Variants in CDH4 observed in about 807,000 individuals in gnomAD.
CDH4 encodes the protein cadherin-4.
Under a neutral mutation model 86.0 loss-of-function variants are expected in CDH4, and 33 were observed. The observed-to-expected ratio is 0.38, with a 90% CI of 0.29 to 0.51. CDH4 has a LOEUF of 0.51. CDH4 is among the 20% of genes least tolerant of loss of function. The probability of loss-of-function intolerance (pLI) is 0.86; values close to 1 mark genes in which losing one functional copy is unlikely to be tolerated. For synonymous variants in CDH4, 555 were observed against 549.4 expected (o/e 1.01, Z -0.14); for missense variants, 1,114 against 1,307.4 (o/e 0.85, Z 2.28).
At chr20:61,376,705 C>T (rs534972868) in intron 2 of CDH4, among the ~76,000 whole-genome samples, 34 of 152,296 alleles carry the variant, frequency 2.2e-4, no homozygotes, top group African/African-American at 7.9e-4. Context: ...GTGGCTGCTC[C>T]CGTTTTTCCC....
intron 2 of CDH4, among the ~76,000 whole-genome samples, chr20:61,295,616 G>A (rs1443122178): frequency 6.6e-6 from 1 of 152,166 alleles, no homozygotes; most frequent in Non-Finnish European, 1.5e-5. Flanking sequence ...GCGTCATCCT[G>A]CGGTTCATAT....
chr20:61,685,437 A>G (rs2087563256), intron 2 of CDH4, among the ~76,000 whole-genome samples: 1 of 152,174 alleles, frequency 6.6e-6, no homozygotes, highest in Non-Finnish European at 1.5e-5. Context: ...TTCTTGCTGT[A>G]CCTGCCTCAT....
intron 2 of CDH4, among the ~76,000 whole-genome samples, chr20:61,659,954 G>C (rs1027655458): frequency 5.9e-5 from 9 of 152,118 alleles, no homozygotes; most frequent in Non-Finnish European, 1.2e-4. Flanking sequence ...GCCTGTCTCT[G>C]TTCCTGAGTT....
chr20:61,760,498 A>G (rs1385409258), intron 3 of CDH4, among the ~76,000 whole-genome samples: 1 of 152,208 alleles, frequency 6.6e-6, no homozygotes, highest in Non-Finnish European at 1.5e-5. Flanking sequence ...CTGAGTTCCA[A>G]CTGGCCTCCA....
chr20:61,306,201 T>A (rs561417249), intron 2 of CDH4, among the ~76,000 whole-genome samples: 1 of 152,350 alleles, frequency 6.6e-6, no homozygotes, highest in East Asian at 1.9e-4. Context: ...ATTAGATAGA[T>A]GATTGTGAAT....
At chr20:61,683,442 C>G (rs1295888448) in intron 2 of CDH4, among the ~76,000 whole-genome samples, 1 of 152,174 alleles carries the variant, frequency 6.6e-6, no homozygotes, top group Non-Finnish European at 1.5e-5. Context: ...CACGGTGTAT[C>G]TGGTGTCCCC....
chr20:61,487,250 G>A (rs902800994), intron 2 of CDH4, among the ~76,000 whole-genome samples: 2 of 152,162 alleles, frequency 1.3e-5, no homozygotes, highest in Non-Finnish European at 1.5e-5. Flanking sequence ...TCAGTTGACC[G>A]TAGTTATGTG....
At chr20:61,589,849 G>C (rs1600786817) in intron 2 of CDH4, among the ~76,000 whole-genome samples, 1 of 151,828 alleles carries the variant, frequency 6.6e-6, no homozygotes, top group African/African-American at 2.4e-5. Context: ...AGAAAGACAA[G>C]GTTCAGCCCC....
chr20:61,366,757 A>G (rs1274138940), intron 2 of CDH4, among the ~76,000 whole-genome samples: 1 of 152,204 alleles, frequency 6.6e-6, no homozygotes, highest in Non-Finnish European at 1.5e-5. Flanking sequence ...TCATTCTGGT[A>G]AACCCACAAC....
intron 2 of CDH4, among the ~76,000 whole-genome samples, chr20:61,390,522 G>A (rs72487367): frequency 0.23 from 24,449 of 106,956 alleles, 1,883 homozygotes; most frequent in East Asian, 0.56. Context: ...AATTGAGATC[G>A]TACGGTCATA....
intron 2 of CDH4, among the ~76,000 whole-genome samples, chr20:61,613,193 C>T (rs147628903): frequency 2.0e-5 from 3 of 152,122 alleles, no homozygotes; most frequent in Non-Finnish European, 4.4e-5. Context: ...TTCACACTCT[C>T]TGTCCCCTTG....
At chr20:61,831,211 C>T (rs1981592614) in intron 4 of CDH4, among the ~76,000 whole-genome samples, 1 of 152,240 alleles carries the variant, frequency 6.6e-6, no homozygotes, top group South Asian at 2.1e-4. Context: ...ACATCTGGCA[C>T]TGGGAACATG....
rs370148916 is a variant in CDH4, at chr20:61,746,305, A to G, written c.396+2516A>G. Reference sequence around the variant, plus strand: ...TGAGTCCCTGAGACATGACTGTTGCAGGGCACAGTGGGCAGTCTCTGCAGC... The same window carrying G: ...TGAGTCCCTGAGACATGACTGTTGCGGGGCACAGTGGGCAGTCTCTGCAGC... On this transcript the variant is annotated intron_variant, in intron 3 of 15. Transcript: ENST00000614565. 1.8e-3 allele frequency among the ~76,000 whole-genome samples: 280 copies of G among 152,258 alleles called. 1 individual carries two copies. Among genetic ancestry groups the G allele is most frequent in the African/African-American group, 6.5e-3 (269 of 41,564 alleles).
chr20:61,629,504 C>T (rs1299918272), intron 2 of CDH4, among the ~76,000 whole-genome samples: 1 of 152,244 alleles, frequency 6.6e-6, no homozygotes, highest in Non-Finnish European at 1.5e-5. Context: ...GTCCTCCACA[C>T]TTGTCGCCCT....
chr20:61,308,236 A>G lies in CDH4; in HGVS notation c.169+53299A>G, dbSNP rs550747931. On this transcript the variant is annotated intron_variant, in intron 2 of 15. Coordinates refer to ENST00000614565, the MANE Select transcript of CDH4 (RefSeq NM_001794.5). ...TACATTGACACATTTGTACCATGCC[A>G]GGGTGGTGTAATTTTCAAGGGTTCT... Among the ~76,000 whole-genome samples, 37 of 152,326 alleles carry G rather than the reference A, an allele frequency of 2.4e-4. No individual in the cohort carries two copies. In the South Asian group the frequency reaches 3.1e-3, roughly 13 times the overall value.
At chr20:61,607,478 A>G (rs971852846) in intron 2 of CDH4, among the ~76,000 whole-genome samples, 1 of 152,250 alleles carries the variant, frequency 6.6e-6, no homozygotes, top group Non-Finnish European at 1.5e-5. Flanking sequence ...AAAAAATGGA[A>G]AGCCCAACAC....
At chr20:61,624,687 G>A (rs75305431) in intron 2 of CDH4, among the ~76,000 whole-genome samples, 3,597 of 152,326 alleles carry the variant, frequency 0.024, 114 homozygotes, top group African/African-American at 0.081. Flanking sequence ...CAGAAGAACT[G>A]GACCAGGGGC....
In CDH4 at chr20:61,883,152, T is replaced by C. The variant is rs1420145615; in HGVS notation, c.1050+9252T>C. On this transcript the variant is annotated intron_variant, in intron 7 of 15. Coordinates refer to ENST00000614565, the MANE Select transcript of CDH4 (RefSeq NM_001794.5). ...CTTCTCGCTGGCTGCTCCCCCCGCC[T>C]ACAGCATTCCTCCCGAGACCTCCAC... Among the ~76,000 whole-genome samples the C allele has an allele frequency of 2.5e-5, 3 of 119,388 alleles. No individual in the cohort carries two copies. The East Asian group carries it at 8.1e-4, about 32-fold the overall frequency. The allele number at this position is 119,388 out of a possible 152,430, so 78.3% of individuals were successfully genotyped here.
intron 2 of CDH4, among the ~76,000 whole-genome samples, chr20:61,421,502 G>A (rs149293643): frequency 4.3e-4 from 66 of 152,316 alleles, no homozygotes; most frequent in African/African-American, 1.6e-3. Flanking sequence ...AGCCAGGGTG[G>A]AGGTTGCGTT....
Sources: gnomAD v4.1 joint callset for allele counts (sites outside exome capture counted in the v4.1 genomes callset) on GRCh38, gnomAD v4.1.1 for gene constraint, MANE v1.5 for transcripts, NCBI Gene and HGNC (gene_info 2026-07-23, HGNC 2026-07-21) for gene names.